C11orf65: variants seen among roughly 807,000 people sequenced by gnomAD.
C11orf65 encodes protein MFI.
A neutral mutation model predicts 35.3 loss-of-function variants in C11orf65; 38 were observed. That is an observed-to-expected ratio of 1.08 (90% CI 0.83 to 1.41). The LOEUF is 1.41. Ranked by LOEUF, C11orf65 falls within the 40% of genes most tolerant of loss-of-function variation. C11orf65 has a pLI of 0.00. For missense variants in C11orf65, 370 were observed against 367.1 expected, an observed-to-expected ratio of 1.01 and a Z score of -0.06; for synonymous variants, 105 against 114.4, an observed-to-expected ratio of 0.92 and a Z score of 0.53.
At position 108,431,816 on chromosome 11, in the gene C11orf65, A is replaced by G; in HGVS notation, c.104T>C (p.Phe35Ser). The change falls in exon 3 of 9, where the codon TTT (phenylalanine) becomes TCT (serine). Residue 35 changes from phenylalanine (F) to serine (S), a missense_variant. By Grantham distance (155) the Phe-to-Ser change is radical (BLOSUM62 -2). Transcript: ENST00000393084. ...SFLNVAIFQH[F>S]KSLIDLRRQG... ...TCTTCTTAAATCAATCAGACTTTTA[A>G]AGTGTTGAAATATAGCGACATTCTA... The G allele has an allele frequency of 6.6e-7, 1 of 1,518,640 alleles. No homozygotes were observed. The highest frequency in any genetic ancestry group is 8.9e-7 in the Non-Finnish European group (1 of 1,117,890). The allele number at this position is 1,518,640 out of a possible 1,614,324, so 94.1% of individuals were successfully genotyped here. A position where few individuals can be genotyped will look rare whatever the true frequency, so the allele number is the denominator to read the frequency against.
chr11:108,428,567 A>G (rs1217433309), intron 3 of C11orf65, among the ~76,000 whole-genome samples: 1 of 152,178 alleles, frequency 6.6e-6, no homozygotes, highest in African/African-American at 2.4e-5. Context: ...AGGAACAGAA[A>G]ACCAGACACC....
chr11:108,361,448 T>G (rs1193138862), intron 2 of C11orf65, among the ~76,000 whole-genome samples: 1 of 151,980 alleles, frequency 6.6e-6, no homozygotes, highest in East Asian at 1.9e-4. Context: ...AAAAAACTAC[T>G]TTAAAGTTCA....
chr11:108,368,952 AAT>A (rs1024567059), intron 2 of C11orf65: 2 of 190,498 alleles, frequency 1.0e-5, no homozygotes, highest in Non-Finnish European at 2.2e-5. Context: ...ATTGGTTTGA[AAT>A]ATAGAGATGT....
chr11:108,420,521 G>C (rs1328439586), intron 3 of C11orf65, among the ~76,000 whole-genome samples: 1 of 152,134 alleles, frequency 6.6e-6, no homozygotes, highest in Non-Finnish European at 1.5e-5. Flanking sequence ...CACTGGAAAG[G>C]GTTGACCTAG....
At chr11:108,399,480 G>A (rs1241015768) in intron 6 of C11orf65, among the ~76,000 whole-genome samples, 5 of 152,164 alleles carry the variant, frequency 3.3e-5, no homozygotes, top group Non-Finnish European at 5.9e-5. Context: ...TAGGCCAACC[G>A]AGGAATTGAA....
chr11:108,417,395 T>G (rs1280257426), intron 3 of C11orf65, among the ~76,000 whole-genome samples: 1 of 151,786 alleles, frequency 6.6e-6, no homozygotes, highest in African/African-American at 2.4e-5. Flanking sequence ...ATACAAAAAA[T>G]TAGCCGGGCG....
At chr11:108,324,031 A>C (rs1023769711) in intron 6 of C11orf65, among the ~76,000 whole-genome samples, 2 of 141,494 alleles carry the variant, frequency 1.4e-5, no homozygotes, top group Non-Finnish European at 3.1e-5. Context: ...CTATGGATTC[A>C]ACCAACCGCA....
At chr11:108,354,439 C>T (rs2089631046) in intron 2 of C11orf65, among the ~76,000 whole-genome samples, 1 of 152,164 alleles carries the variant, frequency 6.6e-6, no homozygotes, top group Admixed American at 6.5e-5. Flanking sequence ...AAAAGCTTTG[C>T]AGTTCCTTGT....
intron 2 of C11orf65, among the ~76,000 whole-genome samples, chr11:108,441,494 T>C (rs2093153353): frequency 2.0e-5 from 3 of 152,180 alleles, no homozygotes; most frequent in Non-Finnish European, 4.4e-5. Flanking sequence ...AGCATGGAGT[T>C]TGAGATGAGA....
intron 2 of C11orf65, among the ~76,000 whole-genome samples, chr11:108,348,426 TATATAAG>T (rs1270580482): frequency 6.8e-6 from 1 of 147,372 alleles, no homozygotes. Context: ...GACAGTTTAA[TATATAAG>T]AAAGAAAGAA....
At chr11:108,360,222 T>C (rs1292737137) in intron 2 of C11orf65, among the ~76,000 whole-genome samples, 2 of 150,412 alleles carry the variant, frequency 1.3e-5, no homozygotes, top group Non-Finnish European at 3.0e-5. Context: ...CCTCGACACA[T>C]ACACTCTCCC....
At chr11:108,392,522 T>C (rs1373884770) in intron 7 of C11orf65, among the ~76,000 whole-genome samples, 2 of 152,206 alleles carry the variant, frequency 1.3e-5, no homozygotes, top group Admixed American at 6.6e-5. Flanking sequence ...CTTGGGTATA[T>C]ATCTAGGAGT....
At chr11:108,333,029 T>C (rs748160539) in intron 3 of C11orf65, 77 of 1,193,946 alleles carry the variant, frequency 6.4e-5, no homozygotes, top group Admixed American at 1.3e-4. Flanking sequence ...TTAATTTATA[T>C]CTGATGGCTT....
chr11:108,325,265 T>TTTTTTTTTTTC, intron 6 of C11orf65: 1 of 1,100,008 alleles, frequency 9.1e-7, no homozygotes, highest in Non-Finnish European at 1.3e-6. Flanking sequence ...TTTTTTTTTT[T>TTTTTTTTTTTC]TTTCATTTCT....
chr11:108,317,727 A>T (rs899123061), intron 6 of C11orf65, among the ~76,000 whole-genome samples: 14 of 147,668 alleles, frequency 9.5e-5, no homozygotes, highest in South Asian at 2.1e-4. Context: ...TATATATATA[A>T]AAAAATATAT....
Position 108,347,754 on chromosome 11 carries a change from G to A in C11orf65, c.227-12462C>T, listed in dbSNP as rs114283569. 1.4e-3 allele frequency among the ~76,000 whole-genome samples: 208 copies of A among 152,198 alleles called. 1 individual carries two copies. Among genetic ancestry groups the A allele is most frequent in the African/African-American group, 4.7e-3 (195 of 41,558 alleles). ...AGTGAAGTAAGCCTGTAGTTGAGTC[G>A]CTTGAGAGAGAGATTGGTACTAGAC... On this transcript the variant is annotated intron_variant, in intron 2 of 3. Coordinates refer to the C11orf65 transcript ENST00000524755.
At chr11:108,332,689 T>G in intron 3 of C11orf65, 1 of 1,501,626 alleles carries the variant, frequency 6.7e-7, no homozygotes, top group Admixed American at 1.8e-5. Context: ...GTTTTTCTCT[T>G]TGTTTTTCTA....
At chr11:108,376,404 A>T (rs1470112755) in intron 2 of C11orf65, among the ~76,000 whole-genome samples, 2 of 152,270 alleles carry the variant, frequency 1.3e-5, no homozygotes, top group African/African-American at 4.8e-5. Context: ...AAATGAAGGC[A>T]GAAACAAAGA....
chr11:108,396,617 G>T (rs1375777891), intron 6 of C11orf65, among the ~76,000 whole-genome samples: 5 of 151,518 alleles, frequency 3.3e-5, no homozygotes, highest in Non-Finnish European at 7.4e-5. Flanking sequence ...GGATCACGAG[G>T]TCAGGAGATT....
Sources: allele counts gnomAD v4.1 joint callset (sites outside exome capture counted in the v4.1 genomes callset), GRCh38; gene constraint gnomAD v4.1.1; transcripts MANE v1.5; gene names NCBI Gene and HGNC (gene_info 2026-07-23, HGNC 2026-07-21).